The following SLC35F4 variants were observed in gnomAD, a reference collection of about 807,000 sequenced individuals.
SLC35F4 encodes solute carrier family 35 member F4.
Under a neutral mutation model 44.2 loss-of-function variants are expected in SLC35F4, and 24 were observed. The ratio of observed to expected loss-of-function variants is 0.54; its 90% CI spans 0.39 to 0.76. SLC35F4 has a LOEUF of 0.76. Among genes scored for constraint, SLC35F4 ranks in the 30% least tolerant of loss-of-function variants. The pLI, the probability that SLC35F4 is intolerant of heterozygous loss-of-function variation, is 0.00. For missense variants in SLC35F4, 562 were observed against 586.1 expected (o/e 0.96, Z 0.42); for synonymous variants, 238 against 223.6 (o/e 1.06, Z -0.57).
intron 1 of SLC35F4, among the ~76,000 whole-genome samples, chr14:57,661,942 A>G (rs760974769): frequency 6.6e-6 from 1 of 152,222 alleles, no homozygotes; most frequent in African/African-American, 2.4e-5. Context: ...CAGCCAGACC[A>G]TAACATAAAG....
At chr14:57,706,711 C>T (rs1235396836) in intron 1 of SLC35F4, among the ~76,000 whole-genome samples, 1 of 152,108 alleles carries the variant, frequency 6.6e-6, no homozygotes, top group Non-Finnish European at 1.5e-5. Context: ...GCTGGAACAG[C>T]ATGTACCACC....
At chr14:57,753,861 T>C (rs969761295) in intron 1 of SLC35F4, among the ~76,000 whole-genome samples, 2 of 152,030 alleles carry the variant, frequency 1.3e-5, no homozygotes, top group African/African-American at 4.8e-5. Context: ...TTTCTTATAT[T>C]GTCTAGGGTG....
At chr14:57,700,347 A>G (rs1312421487) in intron 1 of SLC35F4, among the ~76,000 whole-genome samples, 1 of 152,182 alleles carries the variant, frequency 6.6e-6, no homozygotes, top group Non-Finnish European at 1.5e-5. Flanking sequence ...CTTACGATGA[A>G]GGAAGTTTAC....
intron 1 of SLC35F4, among the ~76,000 whole-genome samples, chr14:57,806,916 T>C (rs1035646276): frequency 4.6e-5 from 7 of 152,318 alleles, no homozygotes; most frequent in Non-Finnish European, 1.0e-4. Context: ...TTGCTACTAA[T>C]AACTATTGTT....
At chr14:57,864,639 G>A (rs1276355129) in intron 1 of SLC35F4, among the ~76,000 whole-genome samples, 1 of 152,172 alleles carries the variant, frequency 6.6e-6, no homozygotes, top group Admixed American at 6.5e-5. Context: ...CTGTAATGTT[G>A]ATTGCACCCC....
At chr14:57,895,908 C>T (rs1327651966) in intron 1 of SLC35F4, among the ~76,000 whole-genome samples, 2 of 152,082 alleles carry the variant, frequency 1.3e-5, no homozygotes, top group Non-Finnish European at 2.9e-5. Context: ...TAATATACAA[C>T]CAATCACACT....
intron 1 of SLC35F4, among the ~76,000 whole-genome samples, chr14:57,753,570 C>G (rs1431756923): frequency 6.6e-6 from 1 of 152,176 alleles, no homozygotes; most frequent in Admixed American, 6.5e-5. Context: ...AGACCAGACG[C>G]AGGTGTTCCT....
intron 1 of SLC35F4, among the ~76,000 whole-genome samples, chr14:57,633,111 A>G (rs1429255223): frequency 6.6e-6 from 1 of 152,152 alleles, no homozygotes; most frequent in East Asian, 1.9e-4. Context: ...CATGTACCAC[A>G]GTTTATTTAT....
intron 1 of SLC35F4, among the ~76,000 whole-genome samples, chr14:57,893,728 C>A (rs146635452): frequency 1.5e-3 from 236 of 152,272 alleles, no homozygotes; most frequent in African/African-American, 5.6e-3. Flanking sequence ...CAATCCCAAC[C>A]AACTTGTTTT....
At chr14:57,865,030 G>T (rs1044206812) in intron 1 of SLC35F4, among the ~76,000 whole-genome samples, 2 of 151,422 alleles carry the variant, frequency 1.3e-5, no homozygotes, top group Non-Finnish European at 2.9e-5. Context: ...CGGCGGGGGC[G>T]GGTGGCCCTG....
intron 1 of SLC35F4, among the ~76,000 whole-genome samples, chr14:57,875,159 CTT>C (rs1888372995): frequency 6.6e-6 from 1 of 152,260 alleles, no homozygotes; most frequent in South Asian, 2.1e-4. Context: ...TGAATCTCCT[CTT>C]TATGTGTAAT....
intron 1 of SLC35F4, among the ~76,000 whole-genome samples, chr14:57,980,783 TTTAA>T (rs1390009965): frequency 2.0e-5 from 3 of 152,208 alleles, no homozygotes; most frequent in South Asian, 2.1e-4. Flanking sequence ...AAATAAAATG[TTTAA>T]TTGAGTTCTA....
chr14:57,647,537 G>C (rs2073589473), intron 1 of SLC35F4, among the ~76,000 whole-genome samples: 2 of 152,048 alleles, frequency 1.3e-5, no homozygotes, highest in Non-Finnish European at 2.9e-5. Flanking sequence ...TGGCATTACT[G>C]GACAACTTCA....
At chr14:57,670,162 G>A (rs907854345) in intron 1 of SLC35F4, among the ~76,000 whole-genome samples, 1 of 152,022 alleles carries the variant, frequency 6.6e-6, no homozygotes, top group Non-Finnish European at 1.5e-5. Context: ...TATTTCTGTG[G>A]GATCAGTGGT....
chr14:57,626,289 T>G (rs1366839140), intron 1 of SLC35F4, among the ~76,000 whole-genome samples: 1 of 145,842 alleles, frequency 6.9e-6, no homozygotes, highest in African/African-American at 2.5e-5. Context: ...CCTGCATGTT[T>G]TGCACATGTA....
chr14:57,852,813 G>A (rs1886703641), intron 1 of SLC35F4, among the ~76,000 whole-genome samples: 1 of 147,838 alleles, frequency 6.8e-6, no homozygotes, highest in African/African-American at 2.5e-5. Context: ...AAAGGCACAT[G>A]ACTTGGAGTT....
At chr14:57,776,482 T>C (rs1278555206) in intron 1 of SLC35F4, among the ~76,000 whole-genome samples, 1 of 151,880 alleles carries the variant, frequency 6.6e-6, no homozygotes, top group Non-Finnish European at 1.5e-5. Context: ...CTGGTTAACA[T>C]GGTGAAACCC....
chr14:57,804,170 A>G (rs771974538), intron 1 of SLC35F4, among the ~76,000 whole-genome samples: 6 of 152,236 alleles, frequency 3.9e-5, no homozygotes, highest in Non-Finnish European at 8.8e-5. Flanking sequence ...GGAAGAATCA[A>G]TATCGTGAAA....
chr14:57,861,989 T>C (rs957506341), intron 1 of SLC35F4, among the ~76,000 whole-genome samples: 3 of 152,182 alleles, frequency 2.0e-5, no homozygotes, highest in Non-Finnish European at 2.9e-5. Context: ...CAATCAGACA[T>C]CTACTCTGAA....
Sources: allele counts gnomAD v4.1 joint callset (sites outside exome capture counted in the v4.1 genomes callset), GRCh38; gene constraint gnomAD v4.1.1; transcripts MANE v1.5; gene names NCBI Gene and HGNC (gene_info 2026-07-23, HGNC 2026-07-21).